RALYL: variants seen among roughly 807,000 people sequenced by gnomAD.
The protein encoded by RALYL is RNA-binding Raly-like protein.
Under a neutral mutation model 35.1 loss-of-function variants are expected in RALYL, and 29 were observed. That is an observed-to-expected ratio of 0.83 (90% confidence interval 0.61 to 1.13). RALYL has a LOEUF of 1.13. RALYL is among the 50% of genes most tolerant of loss of function. The pLI, the probability that RALYL is intolerant of heterozygous loss-of-function variation, is 0.00. For missense variants in RALYL, 359 were observed against 360.4 expected (o/e 1.00, Z 0.03); for synonymous variants, 120 against 127.6 (o/e 0.94, Z 0.40).
At chr8:84,236,996 A>G (rs763657948) in intron 1 of RALYL, among the ~76,000 whole-genome samples, 102 of 152,322 alleles carry the variant, frequency 6.7e-4, no homozygotes, top group African/African-American at 2.4e-3. Flanking sequence ...TTCCTGTAGG[A>G]TAATGATGGC....
chr8:84,353,707 T>C (rs955096248), intron 1 of RALYL, among the ~76,000 whole-genome samples: 11 of 150,428 alleles, frequency 7.3e-5, no homozygotes, highest in Admixed American at 6.6e-4. Flanking sequence ...AAAAACATTT[T>C]AACCACCTAA....
At chr8:84,724,166 G>A (rs935261218) in intron 2 of RALYL, among the ~76,000 whole-genome samples, 1 of 151,702 alleles carries the variant, frequency 6.6e-6, no homozygotes, top group Non-Finnish European at 1.5e-5. Flanking sequence ...TAATAAAATT[G>A]TACCAGAGGG....
chr8:84,330,347 T>C (rs1380604258), intron 1 of RALYL, among the ~76,000 whole-genome samples: 2 of 152,048 alleles, frequency 1.3e-5, no homozygotes, highest in African/African-American at 4.8e-5. Flanking sequence ...AATGTTATAC[T>C]ATTTACAAAC....
chr8:84,726,583 A>G (rs186130989), intron 2 of RALYL, among the ~76,000 whole-genome samples: 522 of 151,860 alleles, frequency 3.4e-3, no homozygotes, highest in African/African-American at 0.012. Flanking sequence ...ATTCACATTT[A>G]AAAGAAACCA....
chr8:84,610,226 G>C (rs769313818), intron 2 of RALYL, among the ~76,000 whole-genome samples: 23 of 151,968 alleles, frequency 1.5e-4, no homozygotes, highest in Admixed American at 1.4e-3. Context: ...AGACTACCAT[G>C]TTATACTTAG....
At chr8:84,243,753 C>T (rs1019711648) in intron 1 of RALYL, among the ~76,000 whole-genome samples, 4 of 152,040 alleles carry the variant, frequency 2.6e-5, no homozygotes, top group Non-Finnish European at 5.9e-5. Context: ...CTCAGATTTT[C>T]TTTTTCAAGA....
At chr8:84,661,955 T>TTG (rs201951409) in intron 2 of RALYL, among the ~76,000 whole-genome samples, 12 of 151,440 alleles carry the variant, frequency 7.9e-5, no homozygotes, top group African/African-American at 2.9e-4. Context: ...TTTTTTTTTT[T>TTG]CCTTGTGGTC....
At chr8:84,614,518 T>A (rs1819001718) in intron 2 of RALYL, among the ~76,000 whole-genome samples, 1 of 151,708 alleles carries the variant, frequency 6.6e-6, no homozygotes, top group Non-Finnish European at 1.5e-5. Context: ...TCTCCCTCAG[T>A]AATAGGCTGT....
At chr8:84,771,791 T>C (rs1462618371) in intron 2 of RALYL, among the ~76,000 whole-genome samples, 1 of 152,052 alleles carries the variant, frequency 6.6e-6, no homozygotes, top group Non-Finnish European at 1.5e-5. Context: ...AAACAAATCC[T>C]TTGTCAAATT....
chr8:84,285,071 T>C (rs1365480327), intron 1 of RALYL, among the ~76,000 whole-genome samples: 1 of 152,120 alleles, frequency 6.6e-6, no homozygotes, highest in African/African-American at 2.4e-5. Context: ...TTGTATATGA[T>C]GTTGGAAGGC....
At chr8:84,471,710 T>C (rs534754690) in intron 1 of RALYL, among the ~76,000 whole-genome samples, 1 of 152,318 alleles carries the variant, frequency 6.6e-6, no homozygotes, top group Non-Finnish European at 1.5e-5. Context: ...ATAGGCCTCA[T>C]TTATCATAAC....
intron 1 of RALYL, among the ~76,000 whole-genome samples, chr8:84,521,900 C>T (rs1286944555): frequency 6.6e-6 from 1 of 152,034 alleles, no homozygotes; most frequent in Admixed American, 6.5e-5. Flanking sequence ...TTCTTAGTAC[C>T]TAATTGTTCT....
At chr8:84,895,413 CTT>C (rs549591429) in intron 8 of RALYL, among the ~76,000 whole-genome samples, 37 of 150,392 alleles carry the variant, frequency 2.5e-4, no homozygotes, top group Admixed American at 7.3e-4. Flanking sequence ...TTTGTATCCT[CTT>C]ATATATTTTT....
chr8:84,872,765 T>C (rs1840442846), intron 6 of RALYL: 2 of 152,244 alleles, frequency 1.3e-5, no homozygotes, highest in Non-Finnish European at 2.9e-5. Flanking sequence ...TCATAGCAGC[T>C]TTGAGTGAGC....
intron 2 of RALYL, among the ~76,000 whole-genome samples, chr8:84,591,938 C>T (rs937890295): frequency 1.2e-4 from 18 of 152,206 alleles, no homozygotes; most frequent in African/African-American, 3.4e-4. Flanking sequence ...CTTGATAGGA[C>T]GCCTGATTCC....
At chr8:84,688,347 T>C (rs542767931) in intron 2 of RALYL, among the ~76,000 whole-genome samples, 1 of 152,220 alleles carries the variant, frequency 6.6e-6, no homozygotes, top group East Asian at 1.9e-4. Context: ...AATGTTGTAG[T>C]AATCGAAACA....
At chr8:84,371,572 C>CACACACACACAGAAAGAGAGAGAG (rs60104734) in intron 1 of RALYL, among the ~76,000 whole-genome samples, 81 of 147,470 alleles carry the variant, frequency 5.5e-4, no homozygotes, top group African/African-American at 1.8e-3. Context: ...CACACACACA[C>CACACACACACAGAAAGAGAGAGAG]AGAAAGAGAG....
At chr8:84,708,673 A>G (rs1841633080) in intron 2 of RALYL, among the ~76,000 whole-genome samples, 1 of 152,136 alleles carries the variant, frequency 6.6e-6, no homozygotes, top group Non-Finnish European at 1.5e-5. Flanking sequence ...TACATATATA[A>G]TAACAAAATT....
chr8:84,319,631 G>A (rs577320974), intron 1 of RALYL, among the ~76,000 whole-genome samples: 99 of 152,136 alleles, frequency 6.5e-4, no homozygotes, highest in African/African-American at 2.2e-3. Context: ...TTTAATCATA[G>A]CTAGGTGACA....
Sources: gnomAD v4.1 joint callset for allele counts (sites outside exome capture counted in the v4.1 genomes callset) on GRCh38, gnomAD v4.1.1 for gene constraint, MANE v1.5 for transcripts, NCBI Gene and HGNC (gene_info 2026-07-23, HGNC 2026-07-21) for gene names.